Variants in GSE1 observed in about 807,000 individuals in gnomAD.
GSE1 encodes Gse1 coiled-coil protein, also known as genetic suppressor element 1.
Under a neutral mutation model 112.6 loss-of-function variants are expected in GSE1, and 32 were observed. That is an observed-to-expected ratio of 0.28 (90% CI 0.21 to 0.38). The LOEUF (loss-of-function observed/expected upper bound fraction) is 0.38, where lower values mean the gene tolerates loss of function less well. Among genes scored for constraint, GSE1 ranks in the 10% least tolerant of loss-of-function variants. The probability of loss-of-function intolerance (pLI) is 1.00; values close to 1 mark genes in which losing one functional copy is unlikely to be tolerated. For missense variants in GSE1, 2,348 were observed against 1,699.2 expected (o/e 1.38, Z -6.71); for synonymous variants, 1,115 against 735.6 (o/e 1.52, Z -8.35).
At chr16:85,169,951 G>T in exon 1 of GSE1, 1 of 984,578 alleles carries the variant, frequency 1.0e-6, no homozygotes, top group African/African-American at 1.7e-5. Flanking sequence ...CGTCGCCTAC[G>T]CGCTGGGCAG....
chr16:85,424,036 C>T (rs779176401), intron 2 of GSE1, among the ~76,000 whole-genome samples: 7 of 152,260 alleles, frequency 4.6e-5, no homozygotes, highest in Non-Finnish European at 8.8e-5. Flanking sequence ...GAGGCCAGAG[C>T]CTCCTCCATC....
intron 2 of GSE1, among the ~76,000 whole-genome samples, chr16:85,519,570 C>CCACCAT (rs1555526338): frequency 5.7e-5 from 2 of 34,790 alleles, no homozygotes; most frequent in East Asian, 3.8e-3. Context: ...ATCATCATCA[C>CCACCAT]CATCACCAGT....
At chr16:85,631,328 C>T (rs2049522984) in intron 1 of GSE1, among the ~76,000 whole-genome samples, 1 of 152,238 alleles carries the variant, frequency 6.6e-6, no homozygotes, top group Non-Finnish European at 1.5e-5. Flanking sequence ...AGGACAAGAG[C>T]TCTGGTCTCC....
chr16:85,557,698 C>G (rs2045305182), intron 1 of GSE1, among the ~76,000 whole-genome samples: 1 of 151,036 alleles, frequency 6.6e-6, no homozygotes, highest in Non-Finnish European at 1.5e-5. Context: ...TTGGATCTGG[C>G]CTTTGCTGCC....
intron 2 of GSE1, among the ~76,000 whole-genome samples, chr16:85,434,744 G>C (rs1039118687): frequency 6.6e-6 from 1 of 152,232 alleles, no homozygotes; most frequent in African/African-American, 2.4e-5. Context: ...CTTGAACCCG[G>C]GAGGCAGAGG....
At chr16:85,331,593 G>A (rs28616701) in intron 1 of GSE1, among the ~76,000 whole-genome samples, 22,264 of 49,964 alleles carry the variant, frequency 0.45, 4,204 homozygotes, top group Middle Eastern at 0.62. Flanking sequence ...GTATATATGT[G>A]TATATGTGTA....
chr16:85,469,996 C>T (rs978035263), intron 2 of GSE1, among the ~76,000 whole-genome samples: 5 of 152,234 alleles, frequency 3.3e-5, no homozygotes, highest in Non-Finnish European at 7.3e-5. Context: ...GGGCTGCTCC[C>T]ACTCACCCCA....
intron 2 of GSE1, among the ~76,000 whole-genome samples, chr16:85,412,505 CT>C (rs1440237512): frequency 2.2e-5 from 1 of 45,240 alleles, no homozygotes; most frequent in Non-Finnish European, 4.2e-5. Context: ...CAGGGCCCCC[CT>C]GGATAATCCT....
At chr16:85,560,654 C>G (rs1243590758) in intron 1 of GSE1, among the ~76,000 whole-genome samples, 1 of 151,918 alleles carries the variant, frequency 6.6e-6, no homozygotes, top group African/African-American at 2.4e-5. Flanking sequence ...GCAAATGGGG[C>G]GACTGGGAAA....
intron 2 of GSE1, among the ~76,000 whole-genome samples, chr16:85,363,604 G>T (rs901820707): frequency 1.3e-5 from 2 of 152,206 alleles, no homozygotes; most frequent in Non-Finnish European, 2.9e-5. Flanking sequence ...AGGAGGGAGC[G>T]AGGGTAATCA....
intron 1 of GSE1, among the ~76,000 whole-genome samples, chr16:85,302,283 C>G (rs1258383806): frequency 2.0e-5 from 3 of 152,158 alleles, no homozygotes; most frequent in African/African-American, 4.8e-5. Context: ...CGGGGTGACT[C>G]GGAGTCATCC....
chr16:85,331,557 G>GTATATATGTGTATATGTGTGTA, intron 1 of GSE1, among the ~76,000 whole-genome samples: 2 of 86,812 alleles, frequency 2.3e-5, no homozygotes, highest in South Asian at 4.0e-4. Flanking sequence ...GTATATATGT[G>GTATATATGTGTATATGTGTGTA]TATATGTGTA....
At chr16:85,481,406 G>C (rs1303291854) in intron 2 of GSE1, among the ~76,000 whole-genome samples, 1 of 152,204 alleles carries the variant, frequency 6.6e-6, no homozygotes, top group African/African-American at 2.4e-5. Flanking sequence ...GCTTAGGAAG[G>C]GTTTTGAGGG....
At chr16:85,654,047 G>A (rs911399748) in intron 3 of GSE1, among the ~76,000 whole-genome samples, 3 of 152,118 alleles carry the variant, frequency 2.0e-5, no homozygotes, top group Admixed American at 6.5e-5. Flanking sequence ...GGAGGGAGAC[G>A]GATCCCGAGA....
intron 1 of GSE1, among the ~76,000 whole-genome samples, chr16:85,341,108 T>C (rs886890597): frequency 1.3e-5 from 2 of 152,252 alleles, no homozygotes; most frequent in Non-Finnish European, 2.9e-5. Context: ...ATCCACTGAA[T>C]TGAAACCTTC....
intron 1 of GSE1, among the ~76,000 whole-genome samples, chr16:85,289,472 G>A (rs1246717603): frequency 6.6e-6 from 1 of 152,202 alleles, no homozygotes. Context: ...AAACCAATGT[G>A]TGTGAACCCT....
At chr16:85,418,668 GGA>G (rs375341384) in intron 2 of GSE1, among the ~76,000 whole-genome samples, 3 of 152,186 alleles carry the variant, frequency 2.0e-5, no homozygotes, top group African/African-American at 4.8e-5. Flanking sequence ...AGTGCCAAAA[GGA>G]GAGAGAGTCC....
chr16:85,267,042 G>C (rs1908320320), intron 1 of GSE1, among the ~76,000 whole-genome samples: 1 of 152,212 alleles, frequency 6.6e-6, no homozygotes, highest in Admixed American at 6.5e-5. Context: ...CCGGGAGGCT[G>C]GGCCTCTAGA....
intron 2 of GSE1, among the ~76,000 whole-genome samples, chr16:85,478,061 T>TA (rs1292401472): frequency 6.6e-6 from 1 of 152,148 alleles, no homozygotes; most frequent in Non-Finnish European, 1.5e-5. Context: ...GGACATCCAC[T>TA]CATCCGCTTT....
Sources: gnomAD v4.1 joint callset for allele counts (sites outside exome capture counted in the v4.1 genomes callset) on GRCh38, gnomAD v4.1.1 for gene constraint, MANE v1.5 for transcripts, NCBI Gene and HGNC (gene_info 2026-07-23, HGNC 2026-07-21) for gene names.